The following SHISA6 variants were observed in gnomAD, a reference collection of about 807,000 sequenced individuals.
The protein encoded by SHISA6 is shisa family member 6.
A neutral mutation model predicts 47.9 loss-of-function variants in SHISA6; 22 were observed. The ratio of observed to expected loss-of-function variants is 0.46; its 90% CI spans 0.33 to 0.66. The LOEUF is 0.66. SHISA6 is among the 30% of genes least tolerant of loss of function. The probability of loss-of-function intolerance (pLI) is 0.02; values close to 1 mark genes in which losing one functional copy is unlikely to be tolerated. For missense variants in SHISA6, 680 were observed against 764.6 expected (o/e 0.89, Z 1.30); for synonymous variants, 388 against 337.8 (o/e 1.15, Z -1.63).
At chr17:11,443,889 A>C (rs1413491149) in intron 3 of SHISA6, among the ~76,000 whole-genome samples, 1 of 152,218 alleles carries the variant, frequency 6.6e-6, no homozygotes, top group African/African-American at 2.4e-5. Context: ...AAAATATGCT[A>C]TCTGATGTCT....
chr17:11,249,137 CA>C (rs139559354), intron 1 of SHISA6, among the ~76,000 whole-genome samples: 4,820 of 60,528 alleles, frequency 0.08, 109 homozygotes, highest in African/African-American at 0.18. Flanking sequence ...GACTCCGTCT[CA>C]AAAAAAAAAA....
chr17:11,336,027 C>T (rs1278485015), intron 2 of SHISA6, among the ~76,000 whole-genome samples: 1 of 144,162 alleles, frequency 6.9e-6, no homozygotes, highest in Non-Finnish European at 1.5e-5. Flanking sequence ...GGTGAAACCC[C>T]GTCTCTACTT....
intron 3 of SHISA6, among the ~76,000 whole-genome samples, chr17:11,499,683 C>CTTCTT (rs2071435263): frequency 7.8e-6 from 1 of 127,564 alleles, no homozygotes; most frequent in African/African-American, 3.1e-5. Context: ...CTTTTTCTTT[C>CTTCTT]TTTTTTTTTT....
chr17:11,275,890 T>C (rs1235099182), intron 2 of SHISA6, among the ~76,000 whole-genome samples: 2 of 152,160 alleles, frequency 1.3e-5, no homozygotes, highest in Non-Finnish European at 2.9e-5. Flanking sequence ...GGAGTTCTTG[T>C]AGGGCTTATA....
chr17:11,397,681 T>G (rs1317781993), intron 3 of SHISA6, among the ~76,000 whole-genome samples: 2 of 152,102 alleles, frequency 1.3e-5, no homozygotes, highest in African/African-American at 2.4e-5. Flanking sequence ...TTACTTTTTT[T>G]TTTTTTGAGA....
At chr17:11,456,399 A>T (rs1471363177) in intron 3 of SHISA6, among the ~76,000 whole-genome samples, 2 of 152,192 alleles carry the variant, frequency 1.3e-5, no homozygotes, top group Non-Finnish European at 2.9e-5. Flanking sequence ...ACCTGGTTCC[A>T]TAAGCAGTCT....
intron 2 of SHISA6, among the ~76,000 whole-genome samples, chr17:11,276,348 C>A (rs1317015990): frequency 6.6e-6 from 1 of 151,982 alleles, no homozygotes; most frequent in Non-Finnish European, 1.5e-5. Flanking sequence ...ATTGCATCAC[C>A]CGGGTGATGG....
chr17:11,386,163 G>A (rs1312848849), intron 3 of SHISA6, among the ~76,000 whole-genome samples: 1 of 152,154 alleles, frequency 6.6e-6, no homozygotes, highest in Non-Finnish European at 1.5e-5. Flanking sequence ...ATCACCTGAG[G>A]TCAAGAGTTC....
In SHISA6 at chr17:11,442,095, C is replaced by A. The variant is rs572602979; in HGVS notation, c.895+62586C>A. 2.0e-5 allele frequency among the ~76,000 whole-genome samples: 3 copies of A among 152,328 alleles called. No homozygotes were observed. In the East Asian group the frequency reaches 5.8e-4, roughly 29 times the overall value. On this transcript the variant is annotated intron_variant, in intron 3 of 5. Transcript: ENST00000441885. ...GGGTGTATAGAGCCTTCTTCACTGT[C>A]ATCAGCCTCACAGACCTGGTGCCAT...
intron 3 of SHISA6, among the ~76,000 whole-genome samples, chr17:11,436,261 A>C (rs1013369391): frequency 2.6e-5 from 4 of 152,126 alleles, no homozygotes; most frequent in African/African-American, 9.7e-5. Context: ...TCAGAATGAA[A>C]CCTGTCTTTG....
At chr17:11,290,329 T>C (rs1035702975) in intron 2 of SHISA6, 3 of 150,948 alleles carry the variant, frequency 2.0e-5, no homozygotes, top group African/African-American at 7.3e-5. Context: ...AGTGTGTTTA[T>C]GATGTTATTC....
At chr17:11,329,594 C>T (rs1396133414) in intron 2 of SHISA6, among the ~76,000 whole-genome samples, 2 of 151,980 alleles carry the variant, frequency 1.3e-5, no homozygotes, top group East Asian at 1.9e-4. Context: ...AGAGTCTCCA[C>T]GCGAGTAAAA....
intron 3 of SHISA6, among the ~76,000 whole-genome samples, chr17:11,389,409 G>A (rs537338336): frequency 6.6e-5 from 10 of 152,156 alleles, no homozygotes; most frequent in Non-Finnish European, 1.5e-4. Flanking sequence ...AATAACTCAG[G>A]CATAGCTGGA....
At chr17:11,521,716 T>C (rs2071631324) in intron 3 of SHISA6, among the ~76,000 whole-genome samples, 1 of 152,032 alleles carries the variant, frequency 6.6e-6, no homozygotes, top group Admixed American at 6.6e-5. Context: ...GATGAGAGGA[T>C]TTCTTGAACC....
chr17:11,472,721 C>T (rs1264604606), intron 3 of SHISA6, among the ~76,000 whole-genome samples: 1 of 152,156 alleles, frequency 6.6e-6, no homozygotes, highest in Admixed American at 6.5e-5. Flanking sequence ...TATGGTAAGA[C>T]TATGTTTAGT....
At chr17:11,364,607 G>A (rs1912385285) in intron 2 of SHISA6, among the ~76,000 whole-genome samples, 1 of 152,098 alleles carries the variant, frequency 6.6e-6, no homozygotes, top group South Asian at 2.1e-4. Context: ...ACCATTTGAT[G>A]GACATTCTGG....
At chr17:11,470,655 A>G (rs1269005437) in intron 3 of SHISA6, among the ~76,000 whole-genome samples, 1 of 141,856 alleles carries the variant, frequency 7.0e-6, no homozygotes, top group African/African-American at 2.5e-5. Context: ...CAAGGCAGAC[A>G]TGAGGGAGAC....
chr17:11,270,209 C>T (rs1908586844), intron 2 of SHISA6, among the ~76,000 whole-genome samples: 1 of 152,166 alleles, frequency 6.6e-6, no homozygotes, highest in African/African-American at 2.4e-5. Context: ...CTCCTGAGCT[C>T]GTGAGCTGCT....
intron 2 of SHISA6, among the ~76,000 whole-genome samples, chr17:11,342,481 AG>A (rs932947232): frequency 6.6e-6 from 1 of 152,128 alleles, no homozygotes. Context: ...GACCCTGCAA[AG>A]GGTCTTCGTG....
Sources: gnomAD v4.1 joint callset for allele counts (sites outside exome capture counted in the v4.1 genomes callset) on GRCh38, gnomAD v4.1.1 for gene constraint, MANE v1.5 for transcripts, NCBI Gene and HGNC (gene_info 2026-07-23, HGNC 2026-07-21) for gene names.